The following TADA2A variants were observed in gnomAD, a reference collection of about 807,000 sequenced individuals.
TADA2A encodes the protein transcriptional adaptor 2A, also known as transcriptional adapter 2-alpha.
TADA2A carries 38 observed loss-of-function variants against 67.4 expected under a neutral mutation model. The ratio of observed to expected loss-of-function variants is 0.56; its 90% CI spans 0.44 to 0.74. The LOEUF (loss-of-function observed/expected upper bound fraction) is 0.74, where lower values mean the gene tolerates loss of function less well. Among genes scored for constraint, TADA2A ranks in the 30% least tolerant of loss-of-function variants. The pLI, the probability that TADA2A is intolerant of heterozygous loss-of-function variation, is 0.00. For missense variants in TADA2A, 454 were observed against 547.0 expected, an observed-to-expected ratio of 0.83 and a Z score of 1.70; for synonymous variants, 192 against 181.6, an observed-to-expected ratio of 1.06 and a Z score of -0.46.
intron 10 of TADA2A, among the ~76,000 whole-genome samples, chr17:37,462,703 C>A (rs1201935607): frequency 6.6e-6 from 1 of 152,118 alleles, no homozygotes; most frequent in Admixed American, 6.5e-5. Flanking sequence ...TATTAAAATT[C>A]TTTTTTAAAA....
In TADA2A at chr17:37,478,369, C is replaced by T. The variant is rs1324509828; in HGVS notation, c.*1387C>T. On this transcript the variant is annotated 3_prime_UTR_variant, in exon 16 of 16. Coordinates refer to ENST00000615182, the MANE Select transcript of TADA2A (RefSeq NM_001166105.3). Reference sequence around the variant, plus strand: ...TCTGCTGTCACATGTGTCCTGAACTCACCCTGTTTTTGCCCTGGGTTTCCC... The same window carrying T: ...TCTGCTGTCACATGTGTCCTGAACTTACCCTGTTTTTGCCCTGGGTTTCCC... The T allele has an allele frequency of 1.3e-5, 2 of 152,230 alleles. No homozygotes were observed. The highest frequency in any genetic ancestry group is 2.4e-5 in the African/African-American group (1 of 41,446). 9.4% of individuals were successfully genotyped at this position (152,230 alleles called of 1,614,324 possible).
chr17:37,455,912 A>G (rs2053378682), intron 8 of TADA2A, among the ~76,000 whole-genome samples: 1 of 143,774 alleles, frequency 7.0e-6, no homozygotes, highest in Non-Finnish European at 1.5e-5. Flanking sequence ...GTGATAGGAA[A>G]CAAGAATGGG....
intron 11 of TADA2A, 59 bp downstream of exon 11, chr17:37,465,600 A>G: frequency 4.4e-6 from 7 of 1,605,116 alleles, no homozygotes; most frequent in Non-Finnish European, 6.0e-6. Context: ...TAAATAGGAG[A>G]GATAATGGTG....
intron 10 of TADA2A, among the ~76,000 whole-genome samples, chr17:37,462,597 A>G (rs929527843): frequency 1.3e-5 from 2 of 152,114 alleles, no homozygotes; most frequent in Admixed American, 6.6e-5. Context: ...ACGCCAGTGC[A>G]CTCCAGCCTG....
At chr17:37,421,831 T>TATTATGCAAAGTTTTAAACTTAA (rs145040794) in intron 2 of TADA2A, among the ~76,000 whole-genome samples, 1 of 145,044 alleles carries the variant, frequency 6.9e-6, no homozygotes, top group Non-Finnish European at 1.5e-5. Context: ...CCCAACTTTT[T>TATTATGCAAAGTTTTAAACTTAA]ATAGAAAAGT....
At chr17:37,449,047 G>A (rs564919205) in intron 8 of TADA2A, among the ~76,000 whole-genome samples, 9 of 151,098 alleles carry the variant, frequency 6.0e-5, no homozygotes, top group African/African-American at 1.9e-4. Flanking sequence ...TTGAGACGGA[G>A]TCTCGCTCTA....
intron 9 of TADA2A, among the ~76,000 whole-genome samples, chr17:37,461,101 T>TG (rs1487484169): frequency 6.6e-6 from 1 of 152,130 alleles, no homozygotes; most frequent in Non-Finnish European, 1.5e-5. Flanking sequence ...CATGGATGGC[T>TG]GGGGGCAGGA....
intron 2 of TADA2A, among the ~76,000 whole-genome samples, chr17:37,422,489 T>C (rs1052509763): frequency 1.1e-5 from 1 of 90,480 alleles, no homozygotes; most frequent in East Asian, 8.8e-4. Context: ...CTGATTATTA[T>C]TATTATTATT....
At chr17:37,470,628 A>AT (rs1412591651) in intron 13 of TADA2A, 96 bp downstream of exon 13, 122 of 1,284,038 alleles carry the variant, frequency 9.5e-5, no homozygotes, top group Non-Finnish European at 1.2e-4. Flanking sequence ...AGTAATAATA[A>AT]TTGAGTAGCT....
At chr17:37,465,982 T>C (rs763612168) in intron 11 of TADA2A, among the ~76,000 whole-genome samples, 3 of 152,200 alleles carry the variant, frequency 2.0e-5, no homozygotes, top group Non-Finnish European at 4.4e-5. Flanking sequence ...TTCATAAATA[T>C]TTTAGTATTA....
intron 4 of TADA2A, among the ~76,000 whole-genome samples, chr17:37,428,819 G>A (rs2052484268): frequency 1.3e-5 from 2 of 152,080 alleles, no homozygotes; most frequent in Admixed American, 1.3e-4. Context: ...GGCCGAGGCG[G>A]GTGGATCACA....
chr17:37,444,343 C>T (rs939391182), intron 7 of TADA2A, among the ~76,000 whole-genome samples: 5 of 151,512 alleles, frequency 3.3e-5, no homozygotes, highest in African/African-American at 1.2e-4. Flanking sequence ...CAGTCTTGAA[C>T]TCCTGGTCTC....
chr17:37,442,760 G>A, intron 7 of TADA2A, 108 bp downstream of exon 7: 1 of 1,041,774 alleles, frequency 9.6e-7, no homozygotes. Flanking sequence ...GATTTTTCAA[G>A]GCACTATAAT....
chr17:37,459,300 T>G (rs898539507), intron 9 of TADA2A, among the ~76,000 whole-genome samples: 8 of 151,888 alleles, frequency 5.3e-5, no homozygotes, highest in Admixed American at 4.6e-4. Flanking sequence ...TTTTTTTTTT[T>G]GAGATGGAGT....
chr17:37,457,872 A>G (rs1191251641), intron 8 of TADA2A, among the ~76,000 whole-genome samples: 1 of 152,178 alleles, frequency 6.6e-6, no homozygotes, highest in East Asian at 1.9e-4. Context: ...CACTATATAT[A>G]GTAATAGTTA....
chr17:37,440,769 G>A, intron 6 of TADA2A, 107 bp downstream of exon 6: 1 of 1,351,800 alleles, frequency 7.4e-7, no homozygotes, highest in Admixed American at 2.1e-5. Context: ...TGATATCACG[G>A]AAGATAGGAG....
At chr17:37,446,073 T>A (rs893081591) in intron 8 of TADA2A, among the ~76,000 whole-genome samples, 1 of 150,058 alleles carries the variant, frequency 6.7e-6, no homozygotes, top group African/African-American at 2.5e-5. Flanking sequence ...CTCTACACAT[T>A]TCTTGAGCGG....
At chr17:37,450,304 G>A (rs1039299556) in intron 8 of TADA2A, among the ~76,000 whole-genome samples, 1 of 152,176 alleles carries the variant, frequency 6.6e-6, no homozygotes, top group Non-Finnish European at 1.5e-5. Flanking sequence ...GACTTAAATA[G>A]TGTTGCTTCT....
intron 7 of TADA2A, among the ~76,000 whole-genome samples, chr17:37,444,329 CA>C (rs2053012961): frequency 6.6e-6 from 1 of 151,874 alleles, no homozygotes; most frequent in Admixed American, 6.6e-5. Context: ...CTCTGTTTCC[CA>C]GGCAGTCTTG....
Sources: gnomAD v4.1 joint callset for allele counts (sites outside exome capture counted in the v4.1 genomes callset) on GRCh38, gnomAD v4.1.1 for gene constraint, MANE v1.5 for transcripts, NCBI Gene and HGNC (gene_info 2026-07-23, HGNC 2026-07-21) for gene names.